Variants in FAM135B observed in about 807,000 individuals in gnomAD.
FAM135B encodes protein FAM135B.
A neutral mutation model predicts 127.7 loss-of-function variants in FAM135B; 43 were observed. That is an observed-to-expected ratio of 0.34 (90% CI 0.26 to 0.43). The LOEUF (loss-of-function observed/expected upper bound fraction) is 0.43. FAM135B is among the 20% of genes least tolerant of loss of function. The pLI is 1.00. For missense variants in FAM135B, 1,558 were observed against 1,725.6 expected (o/e 0.90, Z 1.72); for synonymous variants, 670 against 665.1 (o/e 1.01, Z -0.11).
At chr8:138,392,021 G>A (rs917010194) in intron 1 of FAM135B, among the ~76,000 whole-genome samples, 1 of 152,202 alleles carries the variant, frequency 6.6e-6, no homozygotes, top group African/African-American at 2.4e-5. Flanking sequence ...AGCTCATGAG[G>A]TAGGGCAGGG....
intron 3 of FAM135B, among the ~76,000 whole-genome samples, chr8:138,266,366 T>C (rs1015267671): frequency 6.6e-6 from 1 of 152,140 alleles, no homozygotes; most frequent in Non-Finnish European, 1.5e-5. Context: ...TTATGCTGTA[T>C]ATCAAGTTTT....
In FAM135B at chr8:138,151,472, T is replaced by C. The variant is rs2130730998; in HGVS notation, c.3003A>G (p.Gln1001=). 1.2e-6 allele frequency: 2 copies of C among 1,614,258 alleles called. No individual in the cohort carries two copies. Among genetic ancestry groups the C allele is most frequent in the South Asian group, 1.1e-5 (1 of 91,086 alleles). ...HSVHSQVLKN[Q]ELKAGTSIMG... is the part of the protein sequence containing the mutation. Reference sequence around the variant, plus strand: ...TGATGGAAGTGCCTGCCTTCAGCTCTTGGTTTTTCAAAACCTGGGAATGAA... The same window carrying C: ...TGATGGAAGTGCCTGCCTTCAGCTCCTGGTTTTTCAAAACCTGGGAATGAA... The change falls in exon 13 of 20, where the codon CAA becomes CAG. Residue 1001 remains glutamine (Q), a synonymous_variant. Transcript: ENST00000395297.
At chr8:138,311,712 T>C (rs1028956744) in intron 2 of FAM135B, among the ~76,000 whole-genome samples, 4 of 152,198 alleles carry the variant, frequency 2.6e-5, no homozygotes, top group Non-Finnish European at 4.4e-5. Context: ...CTGTGGCTCA[T>C]TGAGCTCATA....
At chr8:138,471,938 A>C (rs1000209410) in intron 1 of FAM135B, among the ~76,000 whole-genome samples, 1 of 152,166 alleles carries the variant, frequency 6.6e-6, no homozygotes, top group African/African-American at 2.4e-5. Context: ...CAGAAGGAAG[A>C]CATGGTCAAC....
At chr8:138,206,680 T>C (rs371985341) in intron 7 of FAM135B, among the ~76,000 whole-genome samples, 1,852 of 15,088 alleles carry the variant, frequency 0.12, no homozygotes, top group Middle Eastern at 0.23. Flanking sequence ...CACCTACCCA[T>C]AACTCTATCA....
chr8:138,408,276 G>C (rs1395759652), intron 1 of FAM135B, among the ~76,000 whole-genome samples: 2 of 152,064 alleles, frequency 1.3e-5, no homozygotes, highest in African/African-American at 2.4e-5. Context: ...TGTTCCTTAG[G>C]GTAGCCACCT....
intron 2 of FAM135B, among the ~76,000 whole-genome samples, chr8:138,366,699 C>T (rs1283713327): frequency 6.6e-6 from 1 of 152,146 alleles, no homozygotes; most frequent in Non-Finnish European, 1.5e-5. Context: ...GCACTTGAAG[C>T]ATTAAACTCA....
chr8:138,234,149 T>A (rs1287071902), intron 7 of FAM135B, among the ~76,000 whole-genome samples: 3 of 152,096 alleles, frequency 2.0e-5, no homozygotes, highest in Non-Finnish European at 4.4e-5. Context: ...ATTAAAAGAC[T>A]CAAATGAATT....
chr8:138,352,150 T>C (rs1829823035), intron 2 of FAM135B, among the ~76,000 whole-genome samples: 1 of 152,162 alleles, frequency 6.6e-6, no homozygotes, highest in African/African-American at 2.4e-5. Flanking sequence ...CCAGACAGTG[T>C]TTAAACCCAT....
chr8:138,217,516 C>T (rs552135627), intron 7 of FAM135B, among the ~76,000 whole-genome samples: 10 of 149,834 alleles, frequency 6.7e-5, no homozygotes, highest in African/African-American at 7.4e-5. Context: ...CTGCAAGCTC[C>T]GCCTCCCAGG....
At chr8:138,334,838 G>C (rs1238997266) in intron 2 of FAM135B, among the ~76,000 whole-genome samples, 1 of 152,080 alleles carries the variant, frequency 6.6e-6, no homozygotes, top group African/African-American at 2.4e-5. Flanking sequence ...ATTGCGAATA[G>C]TGCTGCAGTG....
chr8:138,380,384 G>A (rs1375372905), intron 1 of FAM135B, among the ~76,000 whole-genome samples: 1 of 152,088 alleles, frequency 6.6e-6, no homozygotes, highest in African/African-American at 2.4e-5. Flanking sequence ...AGTGGAGATG[G>A]GGTTTTGCCA....
intron 3 of FAM135B, among the ~76,000 whole-genome samples, chr8:138,302,851 T>A (rs910797012): frequency 1.4e-4 from 21 of 152,162 alleles, no homozygotes; most frequent in Admixed American, 1.1e-3. Context: ...CTGTCAAAAG[T>A]AGAATTTTAT....
chr8:138,299,296 T>C (rs1825705359), intron 3 of FAM135B, among the ~76,000 whole-genome samples: 1 of 152,140 alleles, frequency 6.6e-6, no homozygotes, highest in East Asian at 1.9e-4. Flanking sequence ...GACTATCTGT[T>C]GCCTATCAAA....
intron 9 of FAM135B, among the ~76,000 whole-genome samples, chr8:138,194,350 CTG>C (rs1003100467): frequency 6.6e-5 from 10 of 152,222 alleles, no homozygotes; most frequent in Non-Finnish European, 1.2e-4. Context: ...TCTGCATTCA[CTG>C]TGAGACTGGA....
intron 7 of FAM135B, among the ~76,000 whole-genome samples, chr8:138,207,136 G>A (rs913240636): frequency 2.0e-5 from 3 of 152,086 alleles, no homozygotes; most frequent in East Asian, 3.9e-4. Flanking sequence ...TGGAAATCAG[G>A]GAGAAAATAT....
intron 11 of FAM135B, among the ~76,000 whole-genome samples, chr8:138,172,425 C>T (rs530895652): frequency 6.6e-6 from 1 of 152,358 alleles, no homozygotes; most frequent in East Asian, 1.9e-4. Context: ...TGGGCTGCTT[C>T]CCACCCTCAG....
intron 9 of FAM135B, among the ~76,000 whole-genome samples, chr8:138,186,051 G>C (rs1815535057): frequency 2.0e-5 from 3 of 152,098 alleles, no homozygotes; most frequent in Admixed American, 6.5e-5. Context: ...TCTGCCCTGA[G>C]GGTCCTTCCC....
At chr8:138,346,726 T>C (rs1310168325) in intron 2 of FAM135B, among the ~76,000 whole-genome samples, 1 of 152,148 alleles carries the variant, frequency 6.6e-6, no homozygotes, top group Admixed American at 6.5e-5. Context: ...CTGGGCTTAA[T>C]ACCTAGGTGA....
Sources: allele counts gnomAD v4.1 joint callset (sites outside exome capture counted in the v4.1 genomes callset), GRCh38; gene constraint gnomAD v4.1.1; transcripts MANE v1.5; gene names NCBI Gene and HGNC (gene_info 2026-07-23, HGNC 2026-07-21).